Variants in S100Z observed in about 807,000 individuals in gnomAD.
S100Z encodes the protein S100 calcium binding protein Z.
In S100Z, 11 loss-of-function variants were observed where a neutral mutation model predicts 8.5. The observed-to-expected ratio is 1.30, with a 90% CI of 0.82 to 2.15. The LOEUF (loss-of-function observed/expected upper bound fraction) is 2.15. S100Z is among the 30% of genes most tolerant of loss of function. The pLI is 0.00. For missense variants in S100Z, 126 were observed against 117.9 expected (o/e 1.07, Z -0.32); for synonymous variants, 34 against 43.8 (o/e 0.78, Z 0.89).
At chr5:76,868,335 T>TAGAAACAAAG (rs1270455890) in intron 1 of S100Z, among the ~76,000 whole-genome samples, 2 of 144,408 alleles carry the variant, frequency 1.4e-5, no homozygotes, top group Non-Finnish European at 3.1e-5. Context: ...CAAAGCCCAG[T>TAGAAACAAAG]AGAAACAAAG....
chr5:76,929,818 A>T, the S100Z span, among the ~76,000 whole-genome samples: 3 of 152,352 alleles, frequency 2.0e-5, no homozygotes, highest in Middle Eastern at 3.4e-3. Flanking sequence ...GTTATTTACC[A>T]TACCAAAAAC....
At chr5:76,921,665 T>C (rs1221152852), downstream of S100Z, 3 of 152,208 alleles carry the variant, frequency 2.0e-5, no homozygotes, top group Non-Finnish European at 4.4e-5. Flanking sequence ...GTTTCTGTCA[T>C]ATTTGCTTCA....
rs1438122536 is a variant in S100Z, at chr5:76,858,768, CTG to C, written c.-176+8615_-176+8616del. ...ATAGAGAGATGATACAAAAGAAACA[CTG>C]TAACTTCCAAAGAGAAATATCTTAA... On this transcript the variant is annotated intron_variant, in intron 1 of 4. Transcript: ENST00000317593. Among the ~76,000 whole-genome samples the C allele has an allele frequency of 2.6e-5, 4 of 152,284 alleles. No individual in the cohort carries two copies. In the East Asian group the frequency reaches 7.7e-4, roughly 29 times the overall value.
chr5:76,918,422 G>T (rs559396000), intron 4 of S100Z, among the ~76,000 whole-genome samples: 1 of 152,306 alleles, frequency 6.6e-6, no homozygotes, highest in East Asian at 1.9e-4. Context: ...GTTCATGCTG[G>T]TCTCAAACTC....
At chr5:76,906,976 GTATATATATA>G (rs869046562) in intron 4 of S100Z, among the ~76,000 whole-genome samples, 107 of 21,764 alleles carry the variant, frequency 4.9e-3, no homozygotes, top group East Asian at 8.8e-3. Flanking sequence ...TTGTGTGTGT[GTATATATATA>G]TATATATATA....
intron 4 of S100Z, among the ~76,000 whole-genome samples, chr5:76,898,728 A>G (rs1333191801): frequency 6.6e-6 from 1 of 152,116 alleles, no homozygotes; most frequent in Non-Finnish European, 1.5e-5. Flanking sequence ...TTTTTGCATC[A>G]GTATTCATCA....
chr5:76,930,487 C>T, the S100Z span, among the ~76,000 whole-genome samples: 1 of 152,292 alleles, frequency 6.6e-6, no homozygotes, highest in African/African-American at 2.4e-5. Context: ...TAAGGAGGCA[C>T]ACATCTCACA....
At chr5:76,864,953 C>T (rs570937033) in intron 1 of S100Z, among the ~76,000 whole-genome samples, 4 of 152,246 alleles carry the variant, frequency 2.6e-5, no homozygotes, top group African/African-American at 2.4e-5. Flanking sequence ...ATGATCAGCC[C>T]GCCTCAGCCT....
the S100Z span, among the ~76,000 whole-genome samples, chr5:76,939,667 C>A: frequency 6.6e-5 from 10 of 151,582 alleles, no homozygotes; most frequent in East Asian, 2.0e-4. Context: ...CACACACCAC[C>A]ACACCCGGCT....
At position 76,886,558 on chromosome 5, in the gene S100Z, G is replaced by A. The variant is rs547891946; in HGVS notation, c.*2+8724G>A. On this transcript the variant is annotated intron_variant, in intron 4 of 4. Transcript: ENST00000317593. ...AACAGGGGACTGGTCTCCTGAAGGA[G>A]TCCCGCTGACCGGGGTCTTTGGCAC... is the stretch of plus-strand genomic sequence containing the variant. 3.9e-5 allele frequency among the ~76,000 whole-genome samples: 6 copies of A among 152,298 alleles called. No homozygotes were observed. The East Asian group carries it at 9.7e-4, about 25-fold the overall frequency.
chr5:76,873,995 C>T (rs144530555), intron 2 of S100Z, among the ~76,000 whole-genome samples: 2 of 151,474 alleles, frequency 1.3e-5, no homozygotes, highest in African/African-American at 4.9e-5. Flanking sequence ...AAAAGGTGTA[C>T]ACTGGGAAGT....
the S100Z span, among the ~76,000 whole-genome samples, chr5:76,936,840 G>A: frequency 6.6e-6 from 1 of 152,038 alleles, no homozygotes. Flanking sequence ...GAAGAGGCAA[G>A]GGCACTGAAA....
intron 4 of S100Z, among the ~76,000 whole-genome samples, chr5:76,905,615 C>T (rs549366688): frequency 8.6e-5 from 13 of 151,714 alleles, no homozygotes; most frequent in African/African-American, 2.9e-4. Context: ...GGTTTCACCA[C>T]GTTATCCAGG....
intron 1 of S100Z, among the ~76,000 whole-genome samples, chr5:76,856,738 G>A (rs1005906014): frequency 6.6e-5 from 10 of 152,226 alleles, no homozygotes; most frequent in Non-Finnish European, 1.2e-4. Context: ...GAAGTTTTAA[G>A]TCTATGTTCC....
chr5:76,886,616 C>T (rs1362569920), intron 4 of S100Z, among the ~76,000 whole-genome samples: 4 of 152,158 alleles, frequency 2.6e-5, no homozygotes, highest in African/African-American at 4.8e-5. Flanking sequence ...GAAGAGACCA[C>T]CAAACAGGCT....
chr5:76,938,845 T>C, the S100Z span, among the ~76,000 whole-genome samples: 1 of 152,200 alleles, frequency 6.6e-6, no homozygotes, highest in Non-Finnish European at 1.5e-5. Context: ...AATGTGCCTC[T>C]ATCCCTTTAT....
At chr5:76,914,866 A>G (rs185798367) in intron 4 of S100Z, among the ~76,000 whole-genome samples, 1 of 152,216 alleles carries the variant, frequency 6.6e-6, no homozygotes, top group South Asian at 2.1e-4. Flanking sequence ...CCACGAACCC[A>G]CCAGAAGGAA....
At chr5:76,874,893 T>C (rs1427539518) in intron 2 of S100Z, among the ~76,000 whole-genome samples, 1 of 152,082 alleles carries the variant, frequency 6.6e-6, no homozygotes, top group East Asian at 1.9e-4. Flanking sequence ...ATTATTAATT[T>C]TTTTTTTTTG....
chr5:76,942,616 G>A, the S100Z span, among the ~76,000 whole-genome samples: 1 of 152,184 alleles, frequency 6.6e-6, no homozygotes, highest in Non-Finnish European at 1.5e-5. Flanking sequence ...TGGTGAGAGT[G>A]TGCTGGGCTC....
Sources: gnomAD v4.1 joint callset for allele counts (sites outside exome capture counted in the v4.1 genomes callset) on GRCh38, gnomAD v4.1.1 for gene constraint, MANE v1.5 for transcripts, NCBI Gene and HGNC (gene_info 2026-07-23, HGNC 2026-07-21) for gene names.